The following DCDC1 variants were observed in gnomAD, a reference collection of about 807,000 sequenced individuals.
DCDC1 encodes doublecortin domain-containing protein 1.
In DCDC1, 200 loss-of-function variants were observed where a neutral mutation model predicts 178.3. The ratio of observed to expected loss-of-function variants is 1.12; its 90% CI spans 1.00 to 1.26. The LOEUF (loss-of-function observed/expected upper bound fraction) is 1.26, where lower values mean the gene tolerates loss of function less well. Among genes scored for constraint, DCDC1 ranks in the 50% most tolerant of loss-of-function variants. The pLI is 0.00. For synonymous variants in DCDC1, 690 were observed against 604.8 expected, an observed-to-expected ratio of 1.14 and a Z score of -2.07; for missense variants, 1,983 against 1,749.2, an observed-to-expected ratio of 1.13 and a Z score of -2.38.
chr11:31,366,593 G>C (rs1951968860), intron 1 of DCDC1, among the ~76,000 whole-genome samples: 1 of 152,128 alleles, frequency 6.6e-6, no homozygotes, highest in Admixed American at 6.5e-5. Flanking sequence ...AAAGAATTAG[G>C]GTGTTATAAG....
intron 9 of DCDC1, among the ~76,000 whole-genome samples, chr11:31,231,107 G>A (rs1455580437): frequency 6.6e-6 from 1 of 151,944 alleles, no homozygotes; most frequent in African/African-American, 2.4e-5. Context: ...CCACAAGCAT[G>A]CATGCACCAT....
intron 3 of DCDC1, among the ~76,000 whole-genome samples, chr11:31,310,086 T>C (rs1278833377): frequency 1.3e-5 from 2 of 152,134 alleles, no homozygotes; most frequent in Non-Finnish European, 2.9e-5. Context: ...GGACAAGAGA[T>C]TATAGATTTA....
intron 21 of DCDC1, among the ~76,000 whole-genome samples, chr11:30,934,471 A>C (rs1947139139): frequency 6.6e-6 from 1 of 152,136 alleles, no homozygotes; most frequent in African/African-American, 2.4e-5. Flanking sequence ...TTGCTTGACT[A>C]ACCAGTGACG....
chr11:31,298,293 T>G (rs1947848634), intron 6 of DCDC1, among the ~76,000 whole-genome samples: 1 of 152,182 alleles, frequency 6.6e-6, no homozygotes, highest in African/African-American at 2.4e-5. Context: ...CTCACCTGAT[T>G]ACCTTATCCC....
intron 1 of DCDC1, among the ~76,000 whole-genome samples, chr11:31,368,206 T>TG (rs1185094806): frequency 6.6e-6 from 1 of 152,198 alleles, no homozygotes; most frequent in African/African-American, 2.4e-5. Context: ...TTGGTATTGC[T>TG]GGGGAAAAAA....
At chr11:31,139,148 T>C (rs1963518851) in intron 9 of DCDC1, among the ~76,000 whole-genome samples, 1 of 152,062 alleles carries the variant, frequency 6.6e-6, no homozygotes, top group East Asian at 1.9e-4. Flanking sequence ...TACATATCTA[T>C]TTCATGCTAC....
Position 31,106,916 on chromosome 11 carries a change from G to T in DCDC1, c.1632C>A (p.Asn544Lys). The stretch of plus-strand genomic sequence containing the variant: ...TTGAAGAATAATTGAGGCCTGGTGG[G>T]TTGATGGAAGAACCTTGAAGCCTTT... ...IHQRLQGSSI[N>K]PPGLNYSSMR... Residue 544 changes from asparagine to lysine, a missense_variant, in exon 13 of 39, where the codon AAC becomes AAA. Asn to Lys is a moderately conservative substitution (Grantham distance 94). Transcript: ENST00000684477. 1.3e-6 allele frequency: 1 copy of T among 766,028 alleles called. No homozygotes were observed. The highest frequency in any genetic ancestry group is 2.4e-6 in the Non-Finnish European group (1 of 417,780). The allele number at this position is 766,028 out of a possible 1,614,324, so 47.5% of individuals were successfully genotyped here. A position where few individuals can be genotyped will look rare whatever the true frequency, so the allele number is the denominator to read the frequency against.
chr11:30,911,407 C>T lies in DCDC1; in HGVS notation c.3667G>A (p.Val1223Met). The T allele has an allele frequency of 6.3e-7, 1 of 1,599,182 alleles. No individual in the cohort carries two copies. Among genetic ancestry groups the T allele is most frequent in the Non-Finnish European group, 8.5e-7 (1 of 1,172,478 alleles). ...GCCAGCACAAGGTCAGGGTTACTCA[C>T]AAGGTGAAAGGTCCTTGGGAAAACA... Reference protein sequence around the residue: ...HQEDSRTFHLVSNPDLVLAVS... With the variant: ...HQEDSRTFHLMSNPDLVLAVS... The change falls in exon 28 of 39, where the codon GTG (valine) becomes ATG (methionine). Residue 1223 changes from valine to methionine, a missense_variant. Transcript: ENST00000684477.
At chr11:30,955,079 T>G (rs1948689223) in intron 20 of DCDC1, among the ~76,000 whole-genome samples, 1 of 152,240 alleles carries the variant, frequency 6.6e-6, no homozygotes, top group Non-Finnish European at 1.5e-5. Flanking sequence ...CACATATATT[T>G]AAATCACACC....
At chr11:31,028,938 CCT>C (rs1590809676) in intron 20 of DCDC1, among the ~76,000 whole-genome samples, 1 of 151,894 alleles carries the variant, frequency 6.6e-6, no homozygotes, top group South Asian at 2.1e-4. Flanking sequence ...CAGTTTACTC[CCT>C]GTTTGAATTA....
chr11:30,944,446 A>G, intron 21 of DCDC1: 1 of 393,282 alleles, frequency 2.5e-6, no homozygotes, highest in South Asian at 1.9e-5. Flanking sequence ...TCTGAATGCC[A>G]CAATATGAGT....
At chr11:30,917,737 C>T (rs928327093) in intron 25 of DCDC1, among the ~76,000 whole-genome samples, 3 of 152,138 alleles carry the variant, frequency 2.0e-5, no homozygotes, top group Non-Finnish European at 4.4e-5. Flanking sequence ...GACTGCTTGA[C>T]TGAGGAAGGA....
At chr11:31,279,732 G>C (rs1169148978) in intron 7 of DCDC1, among the ~76,000 whole-genome samples, 1 of 152,086 alleles carries the variant, frequency 6.6e-6, no homozygotes, top group Non-Finnish European at 1.5e-5. Context: ...ACCACAGCCT[G>C]TCAGGGGGTG....
chr11:31,060,474 A>C (rs2135461005), intron 20 of DCDC1, among the ~76,000 whole-genome samples: 1 of 152,228 alleles, frequency 6.6e-6, no homozygotes, highest in African/African-American at 2.4e-5. Flanking sequence ...GATTACAATA[A>C]TTTTATGTGC....
chr11:30,978,172 C>T (rs772072537), intron 20 of DCDC1, among the ~76,000 whole-genome samples: 3 of 152,310 alleles, frequency 2.0e-5, no homozygotes, highest in Middle Eastern at 3.4e-3. Flanking sequence ...TGGCTATCCA[C>T]GCCAATTGTA....
chr11:31,094,614 G>C (rs1403430396), intron 15 of DCDC1, among the ~76,000 whole-genome samples: 2 of 152,106 alleles, frequency 1.3e-5, no homozygotes, highest in Non-Finnish European at 2.9e-5. Context: ...TTGAAGGATG[G>C]GGACAGTTTG....
intron 9 of DCDC1, among the ~76,000 whole-genome samples, chr11:31,168,729 T>C (rs1343164930): frequency 6.6e-6 from 1 of 152,198 alleles, no homozygotes; most frequent in Non-Finnish European, 1.5e-5. Context: ...CTCAGTTTTC[T>C]CACTTGTGAG....
At chr11:31,290,888 G>A (rs753012643) in intron 6 of DCDC1, 36 bp from the exon 7 acceptor site, 1 of 1,583,294 alleles carries the variant, frequency 6.3e-7, no homozygotes, top group African/African-American at 1.4e-5. Context: ...TCAATATTTG[G>A]CTTCAAAATT....
intron 32 of DCDC1, among the ~76,000 whole-genome samples, chr11:30,902,100 G>T (rs1395776038): frequency 3.3e-5 from 5 of 152,042 alleles, no homozygotes; most frequent in Non-Finnish European, 5.9e-5. Flanking sequence ...AGATATACTT[G>T]CTATGGTTTG....
Sources: gnomAD v4.1 joint callset for allele counts (sites outside exome capture counted in the v4.1 genomes callset) on GRCh38, gnomAD v4.1.1 for gene constraint, MANE v1.5 for transcripts, NCBI Gene and HGNC (gene_info 2026-07-23, HGNC 2026-07-21) for gene names.